Variants in IRAK1BP1 observed in about 807,000 individuals in gnomAD.
IRAK1BP1 encodes interleukin 1 receptor associated kinase 1 binding protein 1.
Under a neutral mutation model 28.0 loss-of-function variants are expected in IRAK1BP1, and 24 were observed. The ratio of observed to expected loss-of-function variants is 0.86; its 90% CI spans 0.62 to 1.20. The LOEUF (loss-of-function observed/expected upper bound fraction) is 1.20, where lower values mean the gene tolerates loss of function less well. Among genes scored for constraint, IRAK1BP1 ranks in the 50% most tolerant of loss-of-function variants. The pLI is 0.00. For missense variants in IRAK1BP1, 336 were observed against 316.7 expected (o/e 1.06, Z -0.46); for synonymous variants, 131 against 116.3 (o/e 1.13, Z -0.81).
the IRAK1BP1 span, chr6:78,978,541 A>C: frequency 6.8e-7 from 1 of 1,468,854 alleles, no homozygotes; most frequent in Admixed American, 1.9e-5. Context: ...CTGTTAAAAA[A>C]TGTTTAAAAC....
exon 5 of IRAK1BP1, chr6:78,946,013 G>T: frequency 6.2e-7 from 1 of 1,605,518 alleles, no homozygotes; most frequent in Non-Finnish European, 8.5e-7. Context: ...GTTTTCCCTG[G>T]TATTGCAGAT....
chr6:78,878,625 G>A (rs1389088742), intron 1 of IRAK1BP1, among the ~76,000 whole-genome samples: 1 of 152,216 alleles, frequency 6.6e-6, no homozygotes, highest in Non-Finnish European at 1.5e-5. Flanking sequence ...GCCAGCAACA[G>A]AACAAAGCTG....
intron 2 of IRAK1BP1, among the ~76,000 whole-genome samples, chr6:78,897,256 T>TGAAAAAA (rs1554189176): frequency 9.0e-6 from 1 of 111,002 alleles, no homozygotes; most frequent in African/African-American, 3.5e-5. Context: ...TTGTCTCTCT[T>TGAAAAAA]AAAAAAAAAA....
intron 4 of IRAK1BP1, among the ~76,000 whole-genome samples, chr6:78,922,498 T>C (rs949338547): frequency 5.3e-5 from 8 of 152,200 alleles, no homozygotes; most frequent in African/African-American, 1.9e-4. Flanking sequence ...GAAAACACTT[T>C]GCAGGATATT....
chr6:78,915,343 G>T (rs1772532638), intron 4 of IRAK1BP1, among the ~76,000 whole-genome samples: 1 of 152,166 alleles, frequency 6.6e-6, no homozygotes, highest in Admixed American at 6.5e-5. Context: ...AAGCAAAAAT[G>T]TTGCATAGAC....
At chr6:78,978,817 G>C in the IRAK1BP1 span, 2 of 906,978 alleles carry the variant, frequency 2.2e-6, no homozygotes, top group Non-Finnish European at 3.2e-6. Flanking sequence ...AAGGGGAAGG[G>C]CACCATTGTA....
the IRAK1BP1 span, chr6:78,961,869 G>T: frequency 5.1e-6 from 7 of 1,359,666 alleles, no homozygotes; most frequent in South Asian, 9.1e-5. Context: ...AATTCAAGAA[G>T]AATTCTGCTT....
chr6:78,953,119 G>A, the IRAK1BP1 span, among the ~76,000 whole-genome samples: 6 of 151,878 alleles, frequency 4.0e-5, no homozygotes, highest in Non-Finnish European at 8.8e-5. Flanking sequence ...CAAGGGTGGT[G>A]CAAATTTGGA....
chr6:78,974,119 C>G, the IRAK1BP1 span, among the ~76,000 whole-genome samples: 1,389 of 151,882 alleles, frequency 9.1e-3, 25 homozygotes, highest in African/African-American at 0.032. Context: ...TGACCACATA[C>G]TTGGAAGTAA....
At chr6:78,936,866 T>C (rs1773290229) in intron 4 of IRAK1BP1, 1 of 151,794 alleles carries the variant, frequency 6.6e-6, no homozygotes, top group African/African-American at 2.4e-5. Flanking sequence ...AAATGTAATA[T>C]TAATTTTAGT....
downstream of IRAK1BP1, among the ~76,000 whole-genome samples, chr6:78,947,955 C>CT (rs1207372772): frequency 1.3e-5 from 2 of 151,856 alleles, no homozygotes; most frequent in Admixed American, 1.3e-4. Context: ...TCATACTCCC[C>CT]CCCCTTATAC....
chr6:78,867,983 A>T, intron 1 of IRAK1BP1, 92 bp downstream of exon 1: 1 of 1,351,904 alleles, frequency 7.4e-7, no homozygotes, highest in Non-Finnish European at 9.9e-7. Context: ...GCGGGAAGGG[A>T]GATGTGGAGG....
At chr6:78,881,245 T>G (rs908437871) in intron 1 of IRAK1BP1, among the ~76,000 whole-genome samples, 1 of 152,188 alleles carries the variant, frequency 6.6e-6, no homozygotes, top group African/African-American at 2.4e-5. Context: ...AGCTGCATAT[T>G]AGTCAGTGAA....
intron 1 of IRAK1BP1, among the ~76,000 whole-genome samples, chr6:78,874,990 T>C (rs999131238): frequency 6.6e-6 from 1 of 152,086 alleles, no homozygotes; most frequent in Non-Finnish European, 1.5e-5. Context: ...TTGCAAACTA[T>C]GCATCTGACA....
intron 2 of IRAK1BP1, 77 bp from the exon 3 acceptor site, chr6:78,897,752 T>G: frequency 1.5e-6 from 2 of 1,324,632 alleles, no homozygotes; most frequent in Non-Finnish European, 2.1e-6. Context: ...TGGCTATACT[T>G]TTTTTACTTA....
intron 4 of IRAK1BP1, among the ~76,000 whole-genome samples, chr6:78,913,211 T>G (rs1375300510): frequency 6.6e-6 from 1 of 151,960 alleles, no homozygotes; most frequent in East Asian, 1.9e-4. Flanking sequence ...GGCATGCACC[T>G]GTAGTCCCAG....
chr6:78,909,099 C>T (rs1772338202), intron 4 of IRAK1BP1, among the ~76,000 whole-genome samples: 1 of 152,170 alleles, frequency 6.6e-6, no homozygotes, highest in African/African-American at 2.4e-5. Flanking sequence ...AGAAGGAAAA[C>T]TAATGATTTA....
At chr6:78,873,056 G>T (rs1770845439) in intron 1 of IRAK1BP1, among the ~76,000 whole-genome samples, 1 of 151,872 alleles carries the variant, frequency 6.6e-6, no homozygotes. Flanking sequence ...AGGAGTTCAA[G>T]GCCAGCCTAG....
the IRAK1BP1 span, among the ~76,000 whole-genome samples, chr6:78,953,347 T>C: frequency 5.3e-5 from 8 of 152,368 alleles, no homozygotes; most frequent in South Asian, 8.3e-4. Flanking sequence ...GTGTTAATAC[T>C]TGTGCCTCTA....
Sources: gnomAD v4.1 joint callset for allele counts (sites outside exome capture counted in the v4.1 genomes callset) on GRCh38, gnomAD v4.1.1 for gene constraint, MANE v1.5 for transcripts, NCBI Gene and HGNC (gene_info 2026-07-23, HGNC 2026-07-21) for gene names.